The following DLGAP2 variants were observed in gnomAD, a reference collection of about 807,000 sequenced individuals.
DLGAP2 encodes the protein DLG associated protein 2.
A neutral mutation model predicts 100.3 loss-of-function variants in DLGAP2; 26 were observed. That is an observed-to-expected ratio of 0.26 (90% confidence interval 0.19 to 0.36). DLGAP2 has a LOEUF of 0.36. Ranked by LOEUF, DLGAP2 falls within the 10% of genes least tolerant of loss-of-function variation. The pLI is 1.00. For missense variants in DLGAP2, 1,858 were observed against 1,453.2 expected, an observed-to-expected ratio of 1.28 and a Z score of -4.53; for synonymous variants, 886 against 630.1, an observed-to-expected ratio of 1.41 and a Z score of -6.08.
chr8:1,220,838 C>A (rs548014949), intron 2 of DLGAP2, among the ~76,000 whole-genome samples: 2 of 151,782 alleles, frequency 1.3e-5, no homozygotes, highest in African/African-American at 2.4e-5. Flanking sequence ...TGAATTGAAC[C>A]TTTTATCATT....
chr8:1,364,469 C>T (rs1002468738), intron 3 of DLGAP2, among the ~76,000 whole-genome samples: 6 of 128,562 alleles, frequency 4.7e-5, no homozygotes, highest in Admixed American at 1.7e-4. Context: ...GGCACCGCTG[C>T]GAGAGGGAGG....
intron 5 of DLGAP2, among the ~76,000 whole-genome samples, chr8:1,561,772 C>T (rs1196063831): frequency 1.1e-5 from 1 of 91,570 alleles, no homozygotes; most frequent in Non-Finnish European, 2.1e-5. Context: ...GTCCGCGCCT[C>T]GTTACTGGGG....
intron 4 of DLGAP2, among the ~76,000 whole-genome samples, chr8:1,520,759 C>T (rs1253566496): frequency 6.6e-6 from 1 of 152,206 alleles, no homozygotes; most frequent in Non-Finnish European, 1.5e-5. Context: ...TAACGGTTTA[C>T]TCACCTCCTG....
At chr8:1,213,928 A>T (rs1798159555) in intron 2 of DLGAP2, among the ~76,000 whole-genome samples, 1 of 151,950 alleles carries the variant, frequency 6.6e-6, no homozygotes, top group African/African-American at 2.4e-5. Flanking sequence ...TTCCTTTTCC[A>T]CAGTGAGCTG....
chr8:1,423,314 T>C (rs1438010238), intron 3 of DLGAP2, among the ~76,000 whole-genome samples: 1 of 152,004 alleles, frequency 6.6e-6, no homozygotes, highest in African/African-American at 2.4e-5. Context: ...ACAGACAGGT[T>C]CCCCCAGGCA....
At chr8:922,072 G>A (rs558977023) in intron 2 of DLGAP2, among the ~76,000 whole-genome samples, 4 of 152,356 alleles carry the variant, frequency 2.6e-5, no homozygotes, top group African/African-American at 7.2e-5. Flanking sequence ...CGCAGTTGGC[G>A]CCACTTTCCT....
At chr8:1,599,903 A>G (rs562002686) in intron 6 of DLGAP2, among the ~76,000 whole-genome samples, 30 of 152,250 alleles carry the variant, frequency 2.0e-4, no homozygotes, top group Admixed American at 1.5e-3. Context: ...TATGAATTTG[A>G]TCCTGTCATT....
At chr8:948,428 A>G (rs1264999920) in intron 2 of DLGAP2, among the ~76,000 whole-genome samples, 1 of 152,188 alleles carries the variant, frequency 6.6e-6, no homozygotes, top group Non-Finnish European at 1.5e-5. Flanking sequence ...ACAGGGTCCC[A>G]TGCCTTCCCC....
intron 6 of DLGAP2, among the ~76,000 whole-genome samples, chr8:1,592,701 ATTT>A (rs1205552532): frequency 1.3e-5 from 2 of 151,970 alleles, no homozygotes; most frequent in African/African-American, 4.8e-5. Context: ...AGTGATAGTT[ATTT>A]TTTATCTTCT....
chr8:1,588,718 A>C (rs553129436), intron 6 of DLGAP2, among the ~76,000 whole-genome samples: 17 of 144,078 alleles, frequency 1.2e-4, no homozygotes, highest in Middle Eastern at 7.1e-3. Flanking sequence ...TCTGGCCAAC[A>C]TGGTGAAAGC....
At chr8:1,108,025 C>T (rs1161575794) in intron 2 of DLGAP2, among the ~76,000 whole-genome samples, 1 of 152,180 alleles carries the variant, frequency 6.6e-6, no homozygotes, top group Non-Finnish European at 1.5e-5. Flanking sequence ...TCCAGAGGGG[C>T]AGAAAACCAA....
chr8:1,296,834 C>T (rs1413778001), intron 3 of DLGAP2, among the ~76,000 whole-genome samples: 1 of 152,202 alleles, frequency 6.6e-6, no homozygotes, highest in Non-Finnish European at 1.5e-5. Context: ...CCCCGAACCA[C>T]ACAGGACAGT....
chr8:1,228,120 C>T (rs895581291), intron 2 of DLGAP2, among the ~76,000 whole-genome samples: 1 of 151,862 alleles, frequency 6.6e-6, no homozygotes, highest in African/African-American at 2.4e-5. Flanking sequence ...GGAGATATAC[C>T]TAATGTAAAT....
chr8:1,064,983 A>G (rs555165778), intron 2 of DLGAP2, among the ~76,000 whole-genome samples: 2 of 152,228 alleles, frequency 1.3e-5, no homozygotes, highest in African/African-American at 4.8e-5. Flanking sequence ...CATGCTGTGC[A>G]TTCACAGTTT....
At chr8:1,473,400 C>G (rs1264155364) in intron 3 of DLGAP2, among the ~76,000 whole-genome samples, 1 of 152,294 alleles carries the variant, frequency 6.6e-6, no homozygotes, top group East Asian at 1.9e-4. Flanking sequence ...ATCTCAGATC[C>G]ACTGCGGGGC....
chr8:1,486,404 G>C (rs960325724), intron 3 of DLGAP2, among the ~76,000 whole-genome samples: 1 of 152,212 alleles, frequency 6.6e-6, no homozygotes, highest in Non-Finnish European at 1.5e-5. Context: ...TGTCCTCTCT[G>C]GATCTGTGTT....
chr8:964,922 G>C (rs994140444), intron 2 of DLGAP2, among the ~76,000 whole-genome samples: 100 of 152,066 alleles, frequency 6.6e-4, no homozygotes, highest in Admixed American at 5.9e-4. Flanking sequence ...CGACTTCCAC[G>C]TTCACACGGC....
At chr8:1,027,690 C>T (rs1801847231) in intron 2 of DLGAP2, among the ~76,000 whole-genome samples, 1 of 139,990 alleles carries the variant, frequency 7.1e-6, no homozygotes, top group Non-Finnish European at 1.5e-5. Flanking sequence ...GCCAGGCGCC[C>T]GTTATTCTCC....
chr8:1,113,437 A>G lies in DLGAP2; in HGVS notation c.74-145414A>G, dbSNP rs544654807. 3.9e-5 allele frequency among the ~76,000 whole-genome samples: 6 copies of G among 152,164 alleles called. No homozygotes were observed. In the East Asian group the frequency reaches 9.6e-4, roughly 24 times the overall value. Reference sequence around the variant, plus strand: ...AACCTCCCTTGTCAGCTGCATTCCTAGGTATTTTATTCTTTTTGTGGCAGT... The same window carrying G: ...AACCTCCCTTGTCAGCTGCATTCCTGGGTATTTTATTCTTTTTGTGGCAGT... On this transcript the variant is annotated intron_variant, in intron 2 of 14. Coordinates refer to ENST00000637795, the MANE Select transcript of DLGAP2 (RefSeq NM_001346810.2).
Sources: allele counts gnomAD v4.1 joint callset (sites outside exome capture counted in the v4.1 genomes callset), GRCh38; gene constraint gnomAD v4.1.1; transcripts MANE v1.5; gene names NCBI Gene and HGNC (gene_info 2026-07-23, HGNC 2026-07-21).